Variants in ITGB8 observed in about 807,000 individuals in gnomAD.
ITGB8 encodes integrin beta-8.
Under a neutral mutation model 89.5 loss-of-function variants are expected in ITGB8, and 30 were observed. The observed-to-expected ratio is 0.34, with a 90% CI of 0.25 to 0.45. The LOEUF is 0.45. Ranked by LOEUF, ITGB8 falls within the 20% of genes least tolerant of loss-of-function variation. ITGB8 has a pLI of 1.00. For synonymous variants in ITGB8, 335 were observed against 320.4 expected (o/e 1.05, Z -0.49); for missense variants, 836 against 933.3 (o/e 0.90, Z 1.36).
At chr7:20,393,001 C>T (rs1013950127) in intron 7 of ITGB8, among the ~76,000 whole-genome samples, 5 of 152,146 alleles carry the variant, frequency 3.3e-5, no homozygotes, top group African/African-American at 7.2e-5. Flanking sequence ...TAATCTAATC[C>T]TCTTAGCAAC....
Position 20,331,599 on chromosome 7 carries a change from G to A in ITGB8, c.-208G>A, listed in dbSNP as rs1164131132. On this transcript the variant is annotated 5_prime_UTR_variant, in exon 1 of 14. Coordinates refer to ENST00000222573, the MANE Select transcript of ITGB8 (RefSeq NM_002214.3). Reference sequence around the variant, plus strand: ...ACCGCGGGACCCGCCGTGCCGAGCCGGGAGGGCCGCAGGGGCCCTGAGATG... The same window carrying A: ...ACCGCGGGACCCGCCGTGCCGAGCCAGGAGGGCCGCAGGGGCCCTGAGATG... The A allele has an allele frequency of 2.0e-6, 1 of 499,000 alleles. No homozygotes were observed. The highest frequency in any genetic ancestry group is 3.3e-6 in the Non-Finnish European group (1 of 303,626). The allele number at this position is 499,000 out of a possible 1,614,324, so 30.9% of individuals were successfully genotyped here.
Position 20,415,033 on chromosome 7 carries a change from T to G in ITGB8, c.*5036T>G, listed in dbSNP as rs551260759. The G allele has an allele frequency of 6.5e-6, 1 of 152,696 alleles. No homozygotes were observed. The highest frequency in any genetic ancestry group is 2.1e-4 in the South Asian group (1 of 4,834). The allele number at this position is 152,696 out of a possible 1,614,324, so 9.5% of individuals were successfully genotyped here. On this transcript the variant is annotated 3_prime_UTR_variant, in exon 14 of 14. Transcript: ENST00000222573. ...TGTCAAGGATGGAAAATGTGTGATTTGTGTAAACAATTTTTACCAACTTTA... is the reference window on the plus strand; with the variant it reads ...TGTCAAGGATGGAAAATGTGTGATTGGTGTAAACAATTTTTACCAACTTTA...
chr7:20,356,854 A>G (rs1183119279), intron 1 of ITGB8, among the ~76,000 whole-genome samples: 4 of 137,844 alleles, frequency 2.9e-5, no homozygotes, highest in Non-Finnish European at 6.2e-5. Flanking sequence ...CCCATTCTAA[A>G]CACTGAAACT....
chr7:20,407,880 T>G (rs760034872), intron 12 of ITGB8, among the ~76,000 whole-genome samples: 1 of 152,224 alleles, frequency 6.6e-6, no homozygotes, highest in African/African-American at 2.4e-5. Flanking sequence ...TAAATATGCA[T>G]GCAGATTTGA....
chr7:20,340,148 C>T (rs190045851), intron 1 of ITGB8, among the ~76,000 whole-genome samples: 10 of 152,284 alleles, frequency 6.6e-5, no homozygotes, highest in African/African-American at 1.2e-4. Context: ...TTTAGACGTG[C>T]GCTATCTCTG....
intron 2 of ITGB8, chr7:20,365,664 C>T (rs961548495): frequency 2.0e-5 from 3 of 152,238 alleles, no homozygotes; most frequent in Non-Finnish European, 4.4e-5. Context: ...AGGAGGATTG[C>T]CTGCATTAAT....
chr7:20,396,296 G>A (rs1787074159), intron 8 of ITGB8, among the ~76,000 whole-genome samples: 1 of 152,086 alleles, frequency 6.6e-6, no homozygotes, highest in Admixed American at 6.6e-5. Flanking sequence ...AGCAGGGCAT[G>A]GTGGCGGGTG....
At chr7:20,404,161 A>C (rs997714395) in intron 10 of ITGB8, among the ~76,000 whole-genome samples, 1 of 152,250 alleles carries the variant, frequency 6.6e-6, no homozygotes, top group Non-Finnish European at 1.5e-5. Context: ...AAGCACTAGA[A>C]AAGTTTGCCT....
chr7:20,356,311 A>G (rs1785292507), intron 1 of ITGB8, among the ~76,000 whole-genome samples: 1 of 152,184 alleles, frequency 6.6e-6, no homozygotes. Context: ...TTTAATTTTT[A>G]TATTAAATAA....
intron 3 of ITGB8, among the ~76,000 whole-genome samples, chr7:20,377,767 G>A (rs1269872104): frequency 6.6e-6 from 1 of 152,126 alleles, no homozygotes; most frequent in African/African-American, 2.4e-5. Context: ...CACAGAAAAA[G>A]CAAATTAGGA....
At chr7:20,394,582 C>A (rs1786993530) in intron 7 of ITGB8, among the ~76,000 whole-genome samples, 1 of 152,146 alleles carries the variant, frequency 6.6e-6, no homozygotes, top group South Asian at 2.1e-4. Flanking sequence ...TGTTTAAAAT[C>A]TCTTGGGCTT....
chr7:20,377,435 C>G (rs1417325622), intron 3 of ITGB8: 1 of 152,206 alleles, frequency 6.6e-6, no homozygotes, highest in East Asian at 1.9e-4. Context: ...ATCCACACAT[C>G]AAGGTTCAAG....
chr7:20,358,445 A>G (rs1785377376), intron 1 of ITGB8, among the ~76,000 whole-genome samples: 1 of 151,192 alleles, frequency 6.6e-6, no homozygotes. Context: ...GTCACAATGG[A>G]TGTCAACTTT....
intron 12 of ITGB8, among the ~76,000 whole-genome samples, chr7:20,407,726 C>T (rs1010365872): frequency 1.3e-5 from 2 of 152,142 alleles, no homozygotes; most frequent in Non-Finnish European, 2.9e-5. Flanking sequence ...ATCAACATGT[C>T]ATTTATTATG....
intron 1 of ITGB8, among the ~76,000 whole-genome samples, chr7:20,334,577 C>T (rs1442275562): frequency 1.3e-5 from 2 of 151,912 alleles, no homozygotes; most frequent in East Asian, 3.8e-4. Flanking sequence ...ATTTTGTGAC[C>T]ATATCATTAC....
chr7:20,365,237 T>C (rs1785648263), intron 2 of ITGB8: 1 of 152,358 alleles, frequency 6.6e-6, no homozygotes, highest in Non-Finnish European at 1.5e-5. Flanking sequence ...AGGTGGCTGC[T>C]GGAGGGGAGA....
At chr7:20,394,863 T>C (rs1461180007) in intron 7 of ITGB8, 33 bp from the exon 8 acceptor site, 2 of 1,426,264 alleles carry the variant, frequency 1.4e-6, no homozygotes, top group East Asian at 2.3e-5. Context: ...CATACTATTG[T>C]CATTGTTTAA....
chr7:20,333,191 G>A (rs1313390314), intron 1 of ITGB8, among the ~76,000 whole-genome samples: 1 of 152,058 alleles, frequency 6.6e-6, no homozygotes, highest in Non-Finnish European at 1.5e-5. Context: ...TTAGGAAATT[G>A]TTGCATATAC....
chr7:20,334,468 CAAATTTCACCTTCTGTGTATTGCAATG>C (rs1400976934), intron 1 of ITGB8, among the ~76,000 whole-genome samples: 1 of 152,188 alleles, frequency 6.6e-6, no homozygotes, highest in South Asian at 2.1e-4. Flanking sequence ...TTATTGCAAT[CAAATTTCACCTTCTGTGTATTGCAATG>C]AAATTTCACC....
Sources: allele counts gnomAD v4.1 joint callset (sites outside exome capture counted in the v4.1 genomes callset), GRCh38; gene constraint gnomAD v4.1.1; transcripts MANE v1.5; gene names NCBI Gene and HGNC (gene_info 2026-07-23, HGNC 2026-07-21).